The following LRBA variants were observed in gnomAD, a reference collection of about 807,000 sequenced individuals.
LRBA encodes the protein LPS responsive beige-like anchor protein, also known as lipopolysaccharide-responsive and beige-like anchor protein.
A neutral mutation model predicts 330.0 loss-of-function variants in LRBA; 176 were observed. That is an observed-to-expected ratio of 0.53 (90% confidence interval 0.47 to 0.60). The LOEUF (loss-of-function observed/expected upper bound fraction) is 0.60. Among genes scored for constraint, LRBA ranks in the 20% least tolerant of loss-of-function variants. The pLI is 0.00. For synonymous variants in LRBA, 1,230 were observed against 1,193.0 expected (o/e 1.03, Z -0.64); for missense variants, 3,259 against 3,444.8 (o/e 0.95, Z 1.35).
intron 36 of LRBA, among the ~76,000 whole-genome samples, chr4:150,714,169 A>C (rs1294788164): frequency 6.6e-6 from 1 of 152,190 alleles, no homozygotes; most frequent in Non-Finnish European, 1.5e-5. Flanking sequence ...CATCTCAATA[A>C]AGTTTATGTC....
At chr4:150,811,469 T>TAAAA in intron 31 of LRBA, among the ~76,000 whole-genome samples, 1 of 151,722 alleles carries the variant, frequency 6.6e-6, no homozygotes, top group Non-Finnish European at 1.5e-5. Context: ...TTAGGCAAAA[T>TAAAA]TAGTCTTTAC....
chr4:150,980,430 A>G (rs1740704252), intron 2 of LRBA, among the ~76,000 whole-genome samples: 1 of 152,238 alleles, frequency 6.6e-6, no homozygotes, highest in African/African-American at 2.4e-5. Context: ...AAAGATGCCC[A>G]CTATCACCAC....
intron 56 of LRBA, among the ~76,000 whole-genome samples, chr4:150,268,642 C>T (rs1044943715): frequency 1.3e-5 from 2 of 152,160 alleles, no homozygotes; most frequent in African/African-American, 4.8e-5. Flanking sequence ...ACAGAACAAA[C>T]AACAAAACAA....
At chr4:150,883,207 T>G (rs1728594075) in intron 17 of LRBA, among the ~76,000 whole-genome samples, 1 of 152,180 alleles carries the variant, frequency 6.6e-6, no homozygotes, top group Non-Finnish European at 1.5e-5. Context: ...ACGCATGTAA[T>G]CCCAGCACTT....
chr4:150,902,877 T>C (rs1730903409), intron 13 of LRBA, among the ~76,000 whole-genome samples: 1 of 152,148 alleles, frequency 6.6e-6, no homozygotes, highest in South Asian at 2.1e-4. Flanking sequence ...CCCCAACTGA[T>C]TCTATCAGCA....
chr4:150,858,470 T>A (rs964318257), intron 22 of LRBA, among the ~76,000 whole-genome samples: 1 of 152,108 alleles, frequency 6.6e-6, no homozygotes, highest in Non-Finnish European at 1.5e-5. Context: ...AAGAATTATT[T>A]AGCAATTAAA....
intron 47 of LRBA, among the ~76,000 whole-genome samples, chr4:150,369,272 C>T (rs901079104): frequency 6.6e-6 from 1 of 152,024 alleles, no homozygotes; most frequent in Admixed American, 6.6e-5. Flanking sequence ...TCATGTTTTG[C>T]AAAATGTTAT....
chr4:150,486,314 T>C (rs924437599), intron 42 of LRBA, among the ~76,000 whole-genome samples: 6 of 151,920 alleles, frequency 3.9e-5, no homozygotes, highest in African/African-American at 1.4e-4. Context: ...TGAGTATTGC[T>C]TTTTTATGCA....
At chr4:150,944,859 A>C (rs1333178621) in intron 2 of LRBA, among the ~76,000 whole-genome samples, 7 of 152,152 alleles carry the variant, frequency 4.6e-5, no homozygotes, top group Non-Finnish European at 1.0e-4. Flanking sequence ...TAACTGAATC[A>C]TGGGGTGGGG....
At chr4:150,614,387 G>C (rs570421747) in intron 37 of LRBA, among the ~76,000 whole-genome samples, 1 of 152,038 alleles carries the variant, frequency 6.6e-6, no homozygotes, top group South Asian at 2.1e-4. Context: ...TCACAAGAAA[G>C]TGGAAAAAAA....
intron 2 of LRBA, among the ~76,000 whole-genome samples, chr4:150,996,310 A>T (rs1410724350): frequency 6.6e-6 from 1 of 152,188 alleles, no homozygotes; most frequent in African/African-American, 2.4e-5. Flanking sequence ...AAAGACACTA[A>T]CAAGTAGCAA....
At chr4:150,455,710 T>C (rs1753971277) in intron 44 of LRBA, among the ~76,000 whole-genome samples, 1 of 152,166 alleles carries the variant, frequency 6.6e-6, no homozygotes, top group African/African-American at 2.4e-5. Context: ...ATTATATTAG[T>C]GTTGACTATA....
chr4:150,315,508 A>G, intron 51 of LRBA, 53 bp downstream of exon 51: 3 of 1,417,214 alleles, frequency 2.1e-6, no homozygotes, highest in Non-Finnish European at 3.0e-6. Context: ...TCTACACTTC[A>G]GGGCCACCAT....
intron 36 of LRBA, among the ~76,000 whole-genome samples, chr4:150,718,551 A>G (rs190946768): frequency 3.7e-4 from 57 of 152,230 alleles, no homozygotes; most frequent in Non-Finnish European, 7.2e-4. Context: ...AAGTTTGTTG[A>G]AAAAGGGTAA....
chr4:150,524,171 A>C (rs2152178052), intron 40 of LRBA, among the ~76,000 whole-genome samples: 1 of 152,332 alleles, frequency 6.6e-6, no homozygotes, highest in East Asian at 1.9e-4. Flanking sequence ...TCCTACAAGC[A>C]CTTCTTATAC....
At position 150,776,450 on chromosome 4, in the gene LRBA, T is replaced by C. The variant is rs528973452; in HGVS notation, c.5581-14603A>G. Among the ~76,000 whole-genome samples the C allele has an allele frequency of 2.0e-5, 3 of 152,344 alleles. No individual in the cohort carries two copies. The South Asian group carries it at 6.2e-4, about 32-fold the overall frequency. ...GAGGGGGAAAAGAGGCAGAGAACTA[T>C]TGTTTATCTGTTTCGTATTATACTA... On this transcript the variant is annotated intron_variant, in intron 34 of 56. Transcript: ENST00000651943.
At chr4:150,881,286 T>G (rs768527971) in intron 17 of LRBA, among the ~76,000 whole-genome samples, 1 of 152,110 alleles carries the variant, frequency 6.6e-6, no homozygotes, top group Admixed American at 6.5e-5. Flanking sequence ...CAACGGTAGA[T>G]TGGATAGAGA....
intron 2 of LRBA, among the ~76,000 whole-genome samples, chr4:151,008,988 A>AAAAAAAAAAAT (rs1554018903): frequency 1.3e-3 from 7 of 5,524 alleles, no homozygotes; most frequent in African/African-American, 2.3e-3. Flanking sequence ...AAAAAAAAAA[A>AAAAAAAAAAAT]ATATATATAT....
intron 34 of LRBA, among the ~76,000 whole-genome samples, chr4:150,766,614 C>T (rs1735792253): frequency 6.6e-6 from 1 of 152,068 alleles, no homozygotes; most frequent in Admixed American, 6.5e-5. Context: ...TCAATATAAC[C>T]CTTAGTGAGT....
Sources: gnomAD v4.1 joint callset for allele counts (sites outside exome capture counted in the v4.1 genomes callset) on GRCh38, gnomAD v4.1.1 for gene constraint, MANE v1.5 for transcripts, NCBI Gene and HGNC (gene_info 2026-07-23, HGNC 2026-07-21) for gene names.